Variants in ANOS1 observed in about 807,000 individuals in gnomAD.
The protein encoded by ANOS1 is anosmin 1.
Under a neutral mutation model 59.0 loss-of-function variants are expected in ANOS1, and 6 were observed. The ratio of observed to expected loss-of-function variants is 0.10; its 90% confidence interval spans 0.06 to 0.20. ANOS1 has a LOEUF of 0.20. ANOS1 is among the 10% of genes least tolerant of loss of function. The probability of loss-of-function intolerance (pLI) is 1.00; values close to 1 mark genes in which losing one functional copy is unlikely to be tolerated. For synonymous variants in ANOS1, 217 were observed against 223.4 expected, an observed-to-expected ratio of 0.97 and a Z score of 0.25; for missense variants, 433 against 542.3, an observed-to-expected ratio of 0.80 and a Z score of 2.00.
intron 3 of ANOS1, among the ~76,000 whole-genome samples, chrX:8,614,403 C>T (rs770636616): frequency 9.0e-6 from 1 of 111,683 alleles, no homozygotes; most frequent in South Asian, 3.7e-4. Context: ...TTCCTCCTTA[C>T]ATTTTATTCT....
intron 8 of ANOS1, among the ~76,000 whole-genome samples, chrX:8,554,542 G>GTTTTTTTTTTTTTT (rs757605733): frequency 7.9e-5 from 4 of 50,836 alleles, no homozygotes; most frequent in African/African-American, 8.3e-5. Flanking sequence ...GGCTACAGGA[G>GTTTTTTTTTTTTTT]TTTTTTTTTT....
At chrX:8,689,210 C>T (rs981244490) in intron 2 of ANOS1, among the ~76,000 whole-genome samples, 51 of 111,969 alleles carry the variant, frequency 4.6e-4, no homozygotes, top group African/African-American at 1.6e-3. Flanking sequence ...GTTTATGTAG[C>T]TATTTGTGAG....
chrX:8,604,379 G>A (rs1431695383), intron 3 of ANOS1, among the ~76,000 whole-genome samples: 1 of 112,008 alleles, frequency 8.9e-6, no homozygotes. Context: ...GCCAAGACTA[G>A]AAATCTGCTG....
At chrX:8,726,020 G>A (rs1015077302) in intron 1 of ANOS1, among the ~76,000 whole-genome samples, 1 of 110,099 alleles carries the variant, frequency 9.1e-6, no homozygotes, top group African/African-American at 3.3e-5. Context: ...TCGAGTCGTG[G>A]TTCTCCCAGC....
chrX:8,594,701 C>CACAT (rs1555895628), intron 4 of ANOS1, among the ~76,000 whole-genome samples: 485 of 46,689 alleles, frequency 0.01, 18 homozygotes, highest in African/African-American at 0.038. Flanking sequence ...TATATATACA[C>CACAT]ATATATATAC....
intron 9 of ANOS1, among the ~76,000 whole-genome samples, chrX:8,549,098 C>G (rs1297750731): frequency 1.8e-5 from 2 of 111,854 alleles, no homozygotes; most frequent in Non-Finnish European, 3.8e-5. Flanking sequence ...GATCTTGTCC[C>G]TTTATCATCA....
chrX:8,645,684 C>T (rs1179043870), intron 2 of ANOS1, among the ~76,000 whole-genome samples: 1 of 111,747 alleles, frequency 8.9e-6, no homozygotes, highest in Non-Finnish European at 1.9e-5. Flanking sequence ...TTCAGTGGTG[C>T]AATCTTGGTT....
chrX:8,553,322 G>GA (rs1929887466), intron 9 of ANOS1, among the ~76,000 whole-genome samples: 1 of 92,283 alleles, frequency 1.1e-5, no homozygotes, highest in African/African-American at 7.8e-5. Flanking sequence ...AAATTCTAAA[G>GA]AACTGAAATG....
chrX:8,618,093 G>A (rs959176424), intron 3 of ANOS1, among the ~76,000 whole-genome samples: 3 of 111,993 alleles, frequency 2.7e-5, no homozygotes, highest in African/African-American at 9.7e-5. Context: ...TTCTCCTTGT[G>A]TATGAGTTTC....
At chrX:8,592,706 G>C (rs1930643385) in intron 4 of ANOS1, among the ~76,000 whole-genome samples, 1 of 111,719 alleles carries the variant, frequency 9.0e-6, no homozygotes, top group Non-Finnish European at 1.9e-5. Flanking sequence ...GCACTCATTT[G>C]TATTCTACCT....
At chrX:8,561,227 G>A (rs187978272) in intron 8 of ANOS1, among the ~76,000 whole-genome samples, 1 of 112,614 alleles carries the variant, frequency 8.9e-6, no homozygotes, top group Non-Finnish European at 1.9e-5. Context: ...TGTTAGATTC[G>A]CATTTAGGCT....
chrX:8,628,777 C>T (rs1405891424), intron 2 of ANOS1, among the ~76,000 whole-genome samples: 2 of 112,419 alleles, frequency 1.8e-5, no homozygotes, highest in East Asian at 5.5e-4. Flanking sequence ...TGAAGAAACA[C>T]TTTAAATTTC....
intron 1 of ANOS1, among the ~76,000 whole-genome samples, chrX:8,715,139 G>A (rs149964497): frequency 2.7e-5 from 3 of 112,551 alleles, no homozygotes; most frequent in Non-Finnish European, 3.7e-5. Context: ...AGTCAGGTAT[G>A]TTTTCCCAGT....
chrX:8,715,031 G>A (rs756509406), intron 1 of ANOS1, among the ~76,000 whole-genome samples: 12 of 111,789 alleles, frequency 1.1e-4, no homozygotes, highest in Non-Finnish European at 1.9e-4. Flanking sequence ...TGATGCAAGC[G>A]CAAAGAGCAA....
intron 2 of ANOS1, among the ~76,000 whole-genome samples, chrX:8,676,619 C>A (rs1932341786): frequency 8.9e-6 from 1 of 111,955 alleles, no homozygotes; most frequent in African/African-American, 3.2e-5. Context: ...CCATGTAACA[C>A]GGTCATGGTC....
intron 2 of ANOS1, among the ~76,000 whole-genome samples, chrX:8,642,391 A>G (rs1382109615): frequency 1.1e-5 from 1 of 91,165 alleles, no homozygotes; most frequent in East Asian, 3.0e-4. Context: ...GCGACTGCCA[A>G]TGGCTATGGG....
Position 8,586,809 on chromosome X carries a change from ATGT to A in ANOS1, c.726+982_726+984del, listed in dbSNP as rs774966461. 5.5e-5 allele frequency among the ~76,000 whole-genome samples: 6 copies of A among 108,730 alleles called. No homozygotes were observed. In the East Asian group the frequency reaches 1.7e-3, roughly 31 times the overall value. The allele number at this position is 108,730 out of a possible 115,157, so 94.4% of individuals were successfully genotyped here. A position where few individuals can be genotyped will look rare whatever the true frequency, so the allele number is the denominator to read the frequency against. On this transcript the variant is annotated intron_variant, in intron 5 of 13. Transcript: ENST00000262648. ...CCAGGTTTTTTTTTTTTCTAATTTA[ATGT>A]TGTGTTTTTACATCAAACTTCTTAT...
intron 7 of ANOS1, 41 bp from the exon 8 acceptor site, chrX:8,568,417 T>A: frequency 8.7e-7 from 1 of 1,147,075 alleles, no homozygotes; most frequent in Non-Finnish European, 1.2e-6. Flanking sequence ...GTTACAAACC[T>A]TCCACGTCTC....
intron 6 of ANOS1, among the ~76,000 whole-genome samples, chrX:8,581,702 C>T (rs1930427795): frequency 1.8e-5 from 2 of 111,876 alleles, no homozygotes; most frequent in South Asian, 7.5e-4. Flanking sequence ...CTTTCCCTAC[C>T]TTTCTCAAGC....
Sources: allele counts gnomAD v4.1 joint callset (sites outside exome capture counted in the v4.1 genomes callset), GRCh38; gene constraint gnomAD v4.1.1; transcripts MANE v1.5; gene names NCBI Gene and HGNC (gene_info 2026-07-23, HGNC 2026-07-21).